DYM: variants seen among roughly 807,000 people sequenced by gnomAD.
The protein encoded by DYM is dymeclin.
A neutral mutation model predicts 93.1 loss-of-function variants in DYM; 78 were observed. That is an observed-to-expected ratio of 0.84 (90% CI 0.70 to 1.01). The LOEUF is 1.01. DYM is among the 50% of genes least tolerant of loss of function. DYM has a pLI of 0.00. For missense variants in DYM, 789 were observed against 845.0 expected (o/e 0.93, Z 0.82); for synonymous variants, 321 against 319.7 (o/e 1.00, Z -0.04).
chr18:49,239,300 G>T (rs2093958713), intron 13 of DYM, among the ~76,000 whole-genome samples: 2 of 152,196 alleles, frequency 1.3e-5, no homozygotes, highest in African/African-American at 4.8e-5. Flanking sequence ...ATTTTGAACA[G>T]AAGCCTGGAT....
chr18:49,325,105 G>A (rs1221358574), intron 8 of DYM, among the ~76,000 whole-genome samples: 3 of 152,080 alleles, frequency 2.0e-5, no homozygotes, highest in Non-Finnish European at 2.9e-5. Flanking sequence ...GATATTGGGG[G>A]GATTTGAACC....
At chr18:49,256,536 T>C (rs1225227854) in intron 13 of DYM, among the ~76,000 whole-genome samples, 2 of 152,208 alleles carry the variant, frequency 1.3e-5, no homozygotes, top group Non-Finnish European at 2.9e-5. Context: ...AGTGGACTTC[T>C]AAACTAGAGA....
intron 3 of DYM, among the ~76,000 whole-genome samples, chr18:49,388,480 T>C (rs1221247157): frequency 6.6e-6 from 1 of 151,500 alleles, no homozygotes; most frequent in South Asian, 2.1e-4. Flanking sequence ...AAACAAAACA[T>C]TGAACAGAAG....
chr18:49,267,993 T>A (rs1015511017), intron 11 of DYM, among the ~76,000 whole-genome samples: 1 of 152,202 alleles, frequency 6.6e-6, no homozygotes, highest in Non-Finnish European at 1.5e-5. Flanking sequence ...GGGAAAACTG[T>A]ATTAAGGGTA....
At chr18:49,134,060 T>C (rs2083614137) in intron 15 of DYM, among the ~76,000 whole-genome samples, 1 of 152,194 alleles carries the variant, frequency 6.6e-6, no homozygotes, top group African/African-American at 2.4e-5. Flanking sequence ...ATGGATTGAT[T>C]GATTGATAGA....
rs1218527937 is a variant in DYM, at chr18:49,043,519, A to C, written c.*536T>G. ...TGTTTATGAAATTGTGTGCCCTCTG[A>C]CAGGCAACCAAACACACACGACTTC... On this transcript the variant is annotated 3_prime_UTR_variant, in exon 18 of 18. Transcript: ENST00000675505. 6.5e-6 allele frequency: 1 copy of C among 154,534 alleles called. No homozygotes were observed. The highest frequency in any genetic ancestry group is 1.4e-5 in the Non-Finnish European group (1 of 69,574). The allele number at this position is 154,534 out of a possible 1,614,324, so 9.6% of individuals were successfully genotyped here.
intron 14 of DYM, among the ~76,000 whole-genome samples, chr18:49,166,459 A>G (rs1375396459): frequency 6.6e-6 from 1 of 152,166 alleles, no homozygotes; most frequent in African/African-American, 2.4e-5. Flanking sequence ...CACCCTTGTA[A>G]ATAAGTTTTA....
intron 13 of DYM, among the ~76,000 whole-genome samples, chr18:49,225,996 A>G (rs1681693266): frequency 6.6e-6 from 1 of 152,142 alleles, no homozygotes; most frequent in South Asian, 2.1e-4. Context: ...ATTTCCAACA[A>G]TATTTTTGAG....
At chr18:49,404,654 G>A (rs75981316) in intron 2 of DYM, among the ~76,000 whole-genome samples, 13,924 of 152,070 alleles carry the variant, frequency 0.092, 865 homozygotes, top group East Asian at 0.31. Flanking sequence ...TTTGATTTGC[G>A]TTTCTCTAAT....
At chr18:49,443,596 G>C (rs1179151848) in intron 1 of DYM, among the ~76,000 whole-genome samples, 1 of 152,134 alleles carries the variant, frequency 6.6e-6, no homozygotes, top group Admixed American at 6.6e-5. Flanking sequence ...ATACAATATA[G>C]GAAGTATTAC....
At chr18:49,184,747 A>C (rs1235014399) in intron 14 of DYM, among the ~76,000 whole-genome samples, 1 of 152,222 alleles carries the variant, frequency 6.6e-6, no homozygotes, top group Non-Finnish European at 1.5e-5. Flanking sequence ...GTGCACAATT[A>C]AAAACTTACG....
chr18:49,211,473 A>C (rs548904410), intron 13 of DYM, among the ~76,000 whole-genome samples: 2 of 152,346 alleles, frequency 1.3e-5, no homozygotes, highest in Admixed American at 1.3e-4. Flanking sequence ...GAAGAACTAC[A>C]TCAAAACTAT....
chr18:49,183,894 A>ATC (rs529449094), intron 14 of DYM, among the ~76,000 whole-genome samples: 77 of 152,120 alleles, frequency 5.1e-4, no homozygotes, highest in African/African-American at 1.8e-3. Context: ...GACACCACAG[A>ATC]TCTCTCTCTC....
intron 9 of DYM, among the ~76,000 whole-genome samples, chr18:49,286,138 G>C (rs1242554807): frequency 1.3e-5 from 2 of 152,004 alleles, no homozygotes; most frequent in Non-Finnish European, 2.9e-5. Context: ...CTAGCATTTG[G>C]GTTTTCCAGG....
intron 15 of DYM, among the ~76,000 whole-genome samples, chr18:49,151,982 G>A (rs2085865046): frequency 6.6e-6 from 1 of 152,116 alleles, no homozygotes; most frequent in African/African-American, 2.4e-5. Flanking sequence ...AATGGAAAGA[G>A]GGGGAAAGAA....
At chr18:49,064,826 C>T (rs1208110025) in intron 17 of DYM, among the ~76,000 whole-genome samples, 2 of 151,270 alleles carry the variant, frequency 1.3e-5, no homozygotes, top group East Asian at 3.9e-4. Flanking sequence ...TGTAGTTTCT[C>T]TCTTTACTTT....
In DYM at chr18:49,344,566, G is replaced by A. The variant is rs550800424; in HGVS notation, c.495-10713C>T. On this transcript the variant is annotated intron_variant, in intron 6 of 17. Coordinates refer to ENST00000675505, the MANE Select transcript of DYM (RefSeq NM_001353214.3). Reference sequence around the variant, plus strand: ...GATTGAGTCTGCAGTTATCTCTCCCGTGAGAAATCTATCAGGAAGAAGAGT... The same window carrying A: ...GATTGAGTCTGCAGTTATCTCTCCCATGAGAAATCTATCAGGAAGAAGAGT... Among the ~76,000 whole-genome samples, 25 of 152,182 alleles carry A rather than the reference G, an allele frequency of 1.6e-4. No homozygotes were observed. In the South Asian group the frequency reaches 3.5e-3, roughly 21 times the overall value.
chr18:49,149,613 G>A (rs1324761368), intron 15 of DYM, among the ~76,000 whole-genome samples: 4 of 151,858 alleles, frequency 2.6e-5, no homozygotes, highest in Non-Finnish European at 5.9e-5. Context: ...TATTGTCACT[G>A]GGCAGAGGAC....
intron 15 of DYM, among the ~76,000 whole-genome samples, chr18:49,157,222 C>T (rs752500951): frequency 3.9e-5 from 6 of 152,140 alleles, no homozygotes; most frequent in Non-Finnish European, 8.8e-5. Flanking sequence ...TTAGTGACTG[C>T]TGGCTGTTGT....
Sources: allele counts gnomAD v4.1 joint callset (sites outside exome capture counted in the v4.1 genomes callset), GRCh38; gene constraint gnomAD v4.1.1; transcripts MANE v1.5; gene names NCBI Gene and HGNC (gene_info 2026-07-23, HGNC 2026-07-21).